GNAS-AS1: variants seen among roughly 807,000 people sequenced by gnomAD.
GNAS-AS1 encodes the protein GNAS antisense RNA 1.
Position 58,840,174 on chromosome 20 carries a change from C to T in GNAS-AS1, n.819+1763G>A, listed in dbSNP as rs569736160. 5 of 1,611,660 alleles carry T rather than the reference C, an allele frequency of 3.1e-6. No homozygotes were observed. In the East Asian group the frequency reaches 8.9e-5, roughly 29 times the overall value. On this transcript the variant is annotated intron_variant and non_coding_transcript_variant, in intron 4 of 4. Coordinates refer to ENST00000424094, the Ensembl canonical transcript of GNAS-AS1. The surrounding 1 kb of genome is among the most constrained non-coding windows in gnomAD (Gnocchi z 6.0). ...CATAATTACAACGACCTGTGCCCGCCCATAGGCCGCCGGGCAGCCACCGCG... is the reference window on the plus strand; with the variant it reads ...CATAATTACAACGACCTGTGCCCGCTCATAGGCCGCCGGGCAGCCACCGCG...
At chr20:58,834,071 C>T (rs1215599508) in intron 4 of GNAS-AS1, 3 of 152,184 alleles carry the variant, frequency 2.0e-5, no homozygotes, top group Non-Finnish European at 2.9e-5. Context: ...ACCGTGACAA[C>T]ACTAAGGGTT....
chr20:58,837,516 C>T (rs2085611698), intron 4 of GNAS-AS1, among the ~76,000 whole-genome samples: 1 of 152,234 alleles, frequency 6.6e-6, no homozygotes, highest in South Asian at 2.1e-4. Context: ...GTCAATCCTA[C>T]TTTATCAGAC....
chr20:58,821,997 G>A (rs764162013), intron 4 of GNAS-AS1, among the ~76,000 whole-genome samples: 5 of 152,146 alleles, frequency 3.3e-5, no homozygotes, highest in South Asian at 4.1e-4. Context: ...TCCCTATCCC[G>A]ACGAGAATGA....
intron 4 of GNAS-AS1, chr20:58,836,159 A>T (rs1346493998): frequency 6.6e-6 from 1 of 152,196 alleles, no homozygotes; most frequent in African/African-American, 2.4e-5. Flanking sequence ...GGCTAACCTG[A>T]TAAGACTGCG....
chr20:58,831,954 T>C (rs2085571257), intron 4 of GNAS-AS1, among the ~76,000 whole-genome samples: 1 of 152,206 alleles, frequency 6.6e-6, no homozygotes, highest in Non-Finnish European at 1.5e-5. Flanking sequence ...CTCATTTCAC[T>C]GTGGACTGGC....
rs372505612 is a variant in GNAS-AS1, at chr20:58,820,859, A to G, written n.820-1604T>C. On this transcript the variant is annotated intron_variant and non_coding_transcript_variant, in intron 4 of 4. Coordinates refer to ENST00000424094, the Ensembl canonical transcript of GNAS-AS1. The stretch of plus-strand genomic sequence containing the variant: ...CCCATACTTCAATCACCTCCCACCC[A>G]GTTCCTCCCATGACACGTGGGAATT... Among the ~76,000 whole-genome samples, 20 of 152,328 alleles carry G rather than the reference A, an allele frequency of 1.3e-4. No homozygotes were observed. The South Asian group carries it at 2.1e-3, about 16-fold the overall frequency.
chr20:58,839,980 TG>T, intron 4 of GNAS-AS1: 1 of 998,712 alleles, frequency 1.0e-6, no homozygotes, highest in Non-Finnish European at 1.5e-6. Flanking sequence ...GAGGTGAGGC[TG>T]GGACCTCCGG....
At chr20:58,849,283 T>A (rs774437053) in intron 1 of GNAS-AS1, among the ~76,000 whole-genome samples, 1 of 152,202 alleles carries the variant, frequency 6.6e-6, no homozygotes, top group Non-Finnish European at 1.5e-5. Flanking sequence ...TGAGATGTGC[T>A]GAGTGGTTCT....
In GNAS-AS1 at chr20:58,849,560, C is replaced by T. The variant is rs1027921815; in HGVS notation, n.375-643G>A. 5.9e-5 allele frequency among the ~76,000 whole-genome samples: 9 copies of T among 152,310 alleles called. No homozygotes were observed. In the South Asian group the frequency reaches 6.2e-4, roughly 11 times the overall value. On this transcript the variant is annotated intron_variant and non_coding_transcript_variant, in intron 1 of 4. Transcript: ENST00000424094. ...CTGCAAAAATCTCCATCCCAACTGC[C>T]CAAAGTTCCTTAATCTGCCATGTCT...
chr20:58,822,813 T>C (rs573834303), intron 4 of GNAS-AS1, among the ~76,000 whole-genome samples: 2 of 151,890 alleles, frequency 1.3e-5, no homozygotes, highest in South Asian at 4.2e-4. Context: ...GAAAGCAGGG[T>C]GCTGAGGTTA....
Position 58,840,551 on chromosome 20 carries a change from G to A in GNAS-AS1, n.819+1386C>T. ...GCCTGAAGACGATCGCGGCCCGGTG[G>A]TGCCCAAGCACTCCACCTTCGGCCA... On this transcript the variant is annotated intron_variant and non_coding_transcript_variant, in intron 4 of 4. Transcript: ENST00000424094. The surrounding 1 kb of genome is among the most constrained non-coding windows in gnomAD (Gnocchi z 6.0). 6.2e-7 allele frequency: 1 copy of A among 1,613,278 alleles called. No homozygotes were observed. Among genetic ancestry groups the A allele is most frequent in the Non-Finnish European group, 8.5e-7 (1 of 1,179,968 alleles).
chr20:58,828,027 G>A (rs1349178772), intron 4 of GNAS-AS1, among the ~76,000 whole-genome samples: 2 of 152,164 alleles, frequency 1.3e-5, no homozygotes, highest in Admixed American at 1.3e-4. Flanking sequence ...AAAGGATCTC[G>A]AGAAAAATGA....
Position 58,840,680 on chromosome 20 carries a change from G to A in GNAS-AS1, n.819+1257C>T, listed in dbSNP as rs2085682510. 1 of 1,604,766 alleles carries A rather than the reference G, an allele frequency of 6.2e-7. No individual in the cohort carries two copies. Among genetic ancestry groups the A allele is most frequent in the South Asian group, 1.1e-5 (1 of 91,012 alleles). Reference sequence around the variant, plus strand: ...GGAGCCCCAGAGCCCCAGGGAAGGGGAGGAGCTCAAGCCCGAGGACAAAGA... The same window carrying A: ...GGAGCCCCAGAGCCCCAGGGAAGGGAAGGAGCTCAAGCCCGAGGACAAAGA... On this transcript the variant is annotated intron_variant and non_coding_transcript_variant, in intron 4 of 4. Transcript: ENST00000424094. This position sits in a 1 kb window ranked among gnomAD's most constrained non-coding sequence, Gnocchi z 6.0.
intron 2 of GNAS-AS1, among the ~76,000 whole-genome samples, chr20:58,844,841 G>A (rs750613134): frequency 1.8e-4 from 28 of 151,636 alleles, no homozygotes; most frequent in Admixed American, 1.6e-3. Context: ...AAAAAACCCC[G>A]AAAAACAAAA....
Position 58,840,559 on chromosome 20 carries a change from G to A in GNAS-AS1, n.819+1378C>T, listed in dbSNP as rs202237688. The stretch of plus-strand genomic sequence containing the variant: ...ACGATCGCGGCCCGGTGGTGCCCAA[G>A]CACTCCACCTTCGGCCAGTCCCTCA... On this transcript the variant is annotated intron_variant and non_coding_transcript_variant, in intron 4 of 4. Coordinates refer to ENST00000424094, the Ensembl canonical transcript of GNAS-AS1. This position sits in a 1 kb window ranked among gnomAD's most constrained non-coding sequence, Gnocchi z 6.0. 10 of 1,612,984 alleles carry A rather than the reference G, an allele frequency of 6.2e-6. No individual in the cohort carries two copies. Among genetic ancestry groups the A allele is most frequent in the African/African-American group, 1.3e-5 (1 of 74,866 alleles).
intron 4 of GNAS-AS1, among the ~76,000 whole-genome samples, chr20:58,827,573 G>C (rs969404547): frequency 1.3e-5 from 2 of 152,218 alleles, no homozygotes; most frequent in Admixed American, 6.5e-5. Flanking sequence ...GGCAAGAGCT[G>C]AATGCACGTC....
intron 4 of GNAS-AS1, among the ~76,000 whole-genome samples, chr20:58,831,360 A>G (rs543593738): frequency 3.9e-5 from 6 of 152,322 alleles, no homozygotes; most frequent in African/African-American, 1.4e-4. Flanking sequence ...AAAGTCACTG[A>G]AAACTAAATA....
chr20:58,845,971 A>G (rs1207994644), intron 2 of GNAS-AS1, among the ~76,000 whole-genome samples: 2 of 152,208 alleles, frequency 1.3e-5, no homozygotes, highest in African/African-American at 2.4e-5. Flanking sequence ...TAGGGTAAGT[A>G]TGTTACAAAT....
Position 58,841,594 on chromosome 20 carries a change from C to G in GNAS-AS1, n.819+343G>C. 2 of 1,021,180 alleles carry G rather than the reference C, an allele frequency of 2.0e-6. No homozygotes were observed. The highest frequency in any genetic ancestry group is 2.3e-6 in the Non-Finnish European group (2 of 853,844). The allele number at this position is 1,021,180 out of a possible 1,614,324, so 63.3% of individuals were successfully genotyped here. ...GTCGCTCGCGGGACAGAGACCGCCT[C>G]AAAGAGCGTGCGCACCTGCCCGCGC... On this transcript the variant is annotated intron_variant and non_coding_transcript_variant, in intron 4 of 4. Transcript: ENST00000424094. The surrounding 1 kb of genome is among the most constrained non-coding windows in gnomAD (Gnocchi z 5.0).
Sources: allele counts gnomAD v4.1 joint callset (sites outside exome capture counted in the v4.1 genomes callset), GRCh38; gene constraint gnomAD v4.1.1; non-coding constraint Gnocchi (gnomAD v3.1); transcripts MANE v1.5; gene names NCBI Gene and HGNC (gene_info 2026-07-23, HGNC 2026-07-21).